Variants in PRRT1 observed in about 807,000 individuals in gnomAD.
PRRT1 encodes the protein proline rich transmembrane protein 1.
A neutral mutation model predicts 22.6 loss-of-function variants in PRRT1; 8 were observed. That is an observed-to-expected ratio of 0.35 (90% CI 0.21 to 0.64). The LOEUF (loss-of-function observed/expected upper bound fraction) is 0.64, where lower values mean the gene tolerates loss of function less well. Among genes scored for constraint, PRRT1 ranks in the 30% least tolerant of loss-of-function variants. The pLI is 0.69. For missense variants in PRRT1, 315 were observed against 444.5 expected (o/e 0.71, Z 2.62); for synonymous variants, 176 against 203.6 (o/e 0.86, Z 1.15).
chr6:32,152,168 G>C (rs1405224985), upstream of PRRT1: 6 of 658,756 alleles, frequency 9.1e-6, no homozygotes, highest in Non-Finnish European at 1.7e-5. Context: ...CAGGCGAGGC[G>C]GGTGGGACTA....
At chr6:32,151,980 A>AGGGGGGGGGGGGGGGGG, upstream of PRRT1, 1 of 78,290 alleles carries the variant, frequency 1.3e-5, no homozygotes, top group Non-Finnish European at 2.4e-5. Flanking sequence ...GGGCGGGCGG[A>AGGGGGGGGGGGGGGGGG]GGGAGAGCGG....
At chr6:32,151,727 G>T in intron 1 of PRRT1, 82 bp downstream of exon 1, 1 of 809,018 alleles carries the variant, frequency 1.2e-6, no homozygotes, top group African/African-American at 1.7e-5. Context: ...AGCTGAGGAG[G>T]GGTAAGGGAG....
chr6:32,152,175 A>T (rs74700975), upstream of PRRT1: 3 of 649,436 alleles, frequency 4.6e-6, no homozygotes, highest in Admixed American at 4.2e-5. Flanking sequence ...GGCGGGTGGG[A>T]CTAAGGAAAG....
chr6:32,149,944 C>T lies in PRRT1; in HGVS notation c.559-222G>A. ...CATATTCTTGGGCTTTCTACATTCT[C>T]TCCCGCAAGGTATGGTCCCACTGGG... On this transcript the variant is annotated intron_variant, in intron 2 of 3. Coordinates refer to ENST00000211413, the MANE Select transcript of PRRT1 (RefSeq NM_030651.4). The surrounding 1 kb of genome is among the most constrained non-coding windows in gnomAD (Gnocchi z 8.7). 1.8e-6 allele frequency: 1 copy of T among 564,542 alleles called. No individual in the cohort carries two copies. The highest frequency in any genetic ancestry group is 3.0e-5 in the East Asian group (1 of 33,152). The allele number at this position is 564,542 out of a possible 1,614,324, so 35.0% of individuals were successfully genotyped here.
At position 32,149,049 on chromosome 6, in the gene PRRT1, G is replaced by A. The variant is rs999068018; in HGVS notation, c.*173C>T. The A allele has an allele frequency of 1.3e-6, 1 of 787,974 alleles. No homozygotes were observed. The highest frequency in any genetic ancestry group is 2.0e-5 in the Admixed American group (1 of 50,090). The allele number at this position is 787,974 out of a possible 1,614,324, so 48.8% of individuals were successfully genotyped here. ...TTTTGGAGGGGTTCCTGAGGAACTG[G>A]ATTCCGAGCTTGCTCGCAAGGCGAG... is the stretch of plus-strand genomic sequence containing the variant. On this transcript the variant is annotated 3_prime_UTR_variant, in exon 4 of 4. Coordinates refer to ENST00000211413, the MANE Select transcript of PRRT1 (RefSeq NM_030651.4). This position sits in a 1 kb window ranked among gnomAD's most constrained non-coding sequence, Gnocchi z 8.7.
Position 32,150,772 on chromosome 6 carries a change from C to A in PRRT1, c.154G>T (p.Gly52Cys). Reference protein sequence around the residue: ...HHHHHHYHQSGTATLPRLGAG... With the variant: ...HHHHHHYHQSCTATLPRLGAG... ...CCTAAGCGCGGGAGGGTGGCGGTGCCAGACTGATGGTAGTGGTGGTGGTGG... is the reference window on the plus strand; with the variant it reads ...CCTAAGCGCGGGAGGGTGGCGGTGCAAGACTGATGGTAGTGGTGGTGGTGG... Residue 52 changes from glycine to cysteine, a missense_variant, in exon 2 of 4, where the codon GGC (glycine) becomes TGC (cysteine). This residue lies in a region of PRRT1 where 263 missense variants were observed against 328.5 expected (regional missense o/e 0.80). Transcript: ENST00000211413. This position sits in a 1 kb window ranked among gnomAD's most constrained non-coding sequence, Gnocchi z 7.2. The A allele has an allele frequency of 6.4e-7, 1 of 1,556,384 alleles. No homozygotes were observed. Among genetic ancestry groups the A allele is most frequent in the South Asian group, 1.2e-5 (1 of 83,746 alleles).
rs760678669 is a variant in PRRT1 at position 32,149,605 on chromosome 6, T to C, written c.676A>G (p.Ile226Val). 1 of 1,613,010 alleles carries C rather than the reference T, an allele frequency of 6.2e-7. No individual in the cohort carries two copies. The highest frequency in any genetic ancestry group is 2.2e-5 in the East Asian group (1 of 44,868). Residue 226 changes from isoleucine to valine, a missense_variant, in exon 3 of 4, where the codon ATC (isoleucine) becomes GTC (valine). This residue lies in a region of PRRT1 where 263 missense variants were observed against 328.5 expected (regional missense o/e 0.80). Transcript: ENST00000211413. This position sits in a 1 kb window ranked among gnomAD's most constrained non-coding sequence, Gnocchi z 8.7. ...CAACAGATGGTGGTCAGCACCGCGATGGGCATGTAGTCGTGTGGCGGGCGC... is the reference window on the plus strand; with the variant it reads ...CAACAGATGGTGGTCAGCACCGCGACGGGCATGTAGTCGTGTGGCGGGCGC... Reference protein sequence around the residue: ...PRRPPHDYMPIAVLTTICCFW... With the variant: ...PRRPPHDYMPVAVLTTICCFW...
chr6:32,150,599 G>C lies in PRRT1; in HGVS notation c.327C>G (p.Pro109=). The C allele has an allele frequency of 7.2e-7, 1 of 1,395,514 alleles. No individual in the cohort carries two copies. Among genetic ancestry groups the C allele is most frequent in the Non-Finnish European group, 9.3e-7 (1 of 1,078,464 alleles). The allele number at this position is 1,395,514 out of a possible 1,614,324, so 86.4% of individuals were successfully genotyped here. A position where few individuals can be genotyped will look rare whatever the true frequency, so the allele number is the denominator to read the frequency against. Residue 109 remains proline, a synonymous_variant, in exon 2 of 4, where the codon CCC becomes CCG. Transcript: ENST00000211413. This position sits in a 1 kb window ranked among gnomAD's most constrained non-coding sequence, Gnocchi z 7.2. ...PGCATLPRMP[P]DPYLQETRFE... is the part of the protein sequence containing the mutation. ...AGCGAGTCTCCTGCAGGTAAGGGTC[G>C]GGTGGCATGCGGGGCAAGGTAGCGC...
rs1783203747 is a variant in PRRT1, at chr6:32,150,559, G to T, written c.367C>A (p.Pro123Thr). ...LQETRFEGPLPPPPPAAAAPP... is the reference protein window; with the variant it reads ...LQETRFEGPLTPPPPAAAAPP... The stretch of plus-strand genomic sequence containing the variant: ...GCGGCGGCAGCGGGCGGCGGCGGGG[G>T]AAGTGGGCCCTCGAAGCGAGTCTCC... The change falls in exon 2 of 4, where the codon CCC (proline) becomes ACC (threonine). Residue 123 changes from proline (P) to threonine (T), a missense_variant. Around this residue, in one of 4 missense-constraint regions of PRRT1, gnomAD observed 263 missense variants for 328.5 expected, o/e 0.80. Coordinates refer to ENST00000211413, the MANE Select transcript of PRRT1 (RefSeq NM_030651.4). The surrounding 1 kb of genome is among the most constrained non-coding windows in gnomAD (Gnocchi z 7.2). 2.2e-6 allele frequency: 3 copies of T among 1,363,932 alleles called. No homozygotes were observed. The highest frequency in any genetic ancestry group is 8.1e-5 in the Admixed American group (2 of 24,610). The allele number at this position is 1,363,932 out of a possible 1,614,324, so 84.5% of individuals were successfully genotyped here. A position where few individuals can be genotyped will look rare whatever the true frequency, so the allele number is the denominator to read the frequency against.
upstream of PRRT1, chr6:32,151,986 A>AGGGGGGGGGGGGGGGGGGGGGGGGGGGGG: frequency 1.3e-5 from 1 of 75,958 alleles, no homozygotes; most frequent in Non-Finnish European, 2.5e-5. Context: ...GCGGAGGGAG[A>AGGGGGGGGGGGGGGGGGGGGGGGGGGGGG]GCGGGGAGGG....
Position 32,149,945 on chromosome 6 carries a change from T to A in PRRT1, c.559-223A>T. The A allele has an allele frequency of 1.8e-6, 1 of 560,958 alleles. No homozygotes were observed. 34.7% of individuals were successfully genotyped at this position (560,958 alleles called of 1,614,324 possible). A position where few individuals can be genotyped will look rare whatever the true frequency, so the allele number is the denominator to read the frequency against. On this transcript the variant is annotated intron_variant, in intron 2 of 3. Coordinates refer to ENST00000211413, the MANE Select transcript of PRRT1 (RefSeq NM_030651.4). The surrounding 1 kb of genome is among the most constrained non-coding windows in gnomAD (Gnocchi z 8.7). ...ATATTCTTGGGCTTTCTACATTCTC[T>A]CCCGCAAGGTATGGTCCCACTGGGG...
At position 32,150,180 on chromosome 6, in the gene PRRT1, G is replaced by C. The variant is rs1783180209; in HGVS notation, c.558+188C>G. 6.6e-6 allele frequency among the ~76,000 whole-genome samples: 1 copy of C among 152,104 alleles called. No homozygotes were observed. Among genetic ancestry groups the C allele is most frequent in the Admixed American group, 6.5e-5 (1 of 15,282 alleles). The stretch of plus-strand genomic sequence containing the variant: ...CAGGCCCTGACTCTGGGCACCAGTA[G>C]ACTCCTACTCCCGTGTCTCTCCCTA... On this transcript the variant is annotated intron_variant, in intron 2 of 3. Transcript: ENST00000211413. This position sits in a 1 kb window ranked among gnomAD's most constrained non-coding sequence, Gnocchi z 7.2.
chr6:32,149,087 G>A lies in PRRT1; in HGVS notation c.*135C>T, dbSNP rs1169386446. The stretch of plus-strand genomic sequence containing the variant: ...CTCGCAAGGCGAGACGTTCCGTGGA[G>A]GCGGAGTTTACGATGTATCCAAGTC... On this transcript the variant is annotated 3_prime_UTR_variant, in exon 4 of 4. Transcript: ENST00000211413. The surrounding 1 kb of genome is among the most constrained non-coding windows in gnomAD (Gnocchi z 8.7). The A allele has an allele frequency of 4.2e-6, 4 of 958,012 alleles. No individual in the cohort carries two copies. The highest frequency in any genetic ancestry group is 1.4e-5 in the South Asian group (1 of 72,220). 59.3% of individuals were successfully genotyped at this position (958,012 alleles called of 1,614,324 possible).
chr6:32,150,710 C>T lies in PRRT1; in HGVS notation c.216G>A (p.Gln72=), dbSNP rs1783217774. 6.8e-7 allele frequency: 1 copy of T among 1,472,222 alleles called. No homozygotes were observed. The highest frequency in any genetic ancestry group is 1.4e-5 in the South Asian group (1 of 71,742). The allele number at this position is 1,472,222 out of a possible 1,614,324, so 91.2% of individuals were successfully genotyped here. The change falls in exon 2 of 4, where the codon CAG becomes CAA. Residue 72 remains glutamine, a synonymous_variant. Transcript: ENST00000211413. This position sits in a 1 kb window ranked among gnomAD's most constrained non-coding sequence, Gnocchi z 7.2. ...GCGTGGCAGAGGAGGAGGGACCGCGCTGAGCGGTGGCCGCGGAAGAGGCCA... is the reference window on the plus strand; with the variant it reads ...GCGTGGCAGAGGAGGAGGGACCGCGTTGAGCGGTGGCCGCGGAAGAGGCCA... ...GGLASSAATA[Q]RGPSSSATLP...
At chr6:32,152,592 C>G (rs1783398821), upstream of PRRT1, among the ~76,000 whole-genome samples, 2 of 151,994 alleles carry the variant, frequency 1.3e-5, no homozygotes, top group African/African-American at 4.8e-5. Context: ...GGAGCTGAAG[C>G]TCTTTTGGAG....
chr6:32,149,894 C>T lies in PRRT1; in HGVS notation c.559-172G>A, dbSNP rs1783164955. 6.8e-6 allele frequency: 4 copies of T among 584,792 alleles called. No individual in the cohort carries two copies. In the Admixed American group the frequency reaches 9.6e-5, roughly 14 times the overall value. The allele number at this position is 584,792 out of a possible 1,614,324, so 36.2% of individuals were successfully genotyped here. On this transcript the variant is annotated intron_variant, in intron 2 of 3. Transcript: ENST00000211413. This position sits in a 1 kb window ranked among gnomAD's most constrained non-coding sequence, Gnocchi z 8.7. ...CATAAATTCCACCTAAGCCCCTCTCCTCCCTTCCTTGCTTCATTAACCACC... is the reference window on the plus strand; with the variant it reads ...CATAAATTCCACCTAAGCCCCTCTCTTCCCTTCCTTGCTTCATTAACCACC...
chr6:32,151,145 T>G (rs1644934276), intron 1 of PRRT1: 1 of 693,084 alleles, frequency 1.4e-6, no homozygotes, highest in Non-Finnish European at 2.6e-6. Context: ...TCTGGTCTGC[T>G]TCTTTTCTGT....
intron 1 of PRRT1, chr6:32,151,494 A>T (rs1189073770): frequency 1.9e-6 from 1 of 518,176 alleles, no homozygotes; most frequent in Non-Finnish European, 3.5e-6. Flanking sequence ...GGATGTCTCC[A>T]TGCCAGCCAG....
chr6:32,152,581 A>T (rs140551721), upstream of PRRT1, among the ~76,000 whole-genome samples: 5 of 152,184 alleles, frequency 3.3e-5, no homozygotes, highest in East Asian at 9.7e-4. Context: ...TCCAGGACTA[A>T]GGAGCTGAAG....
Sources: allele counts gnomAD v4.1 joint callset (sites outside exome capture counted in the v4.1 genomes callset), GRCh38; gene constraint gnomAD v4.1.1; regional missense constraint gnomAD v4.1.1; non-coding constraint Gnocchi (gnomAD v3.1); transcripts MANE v1.5; gene names NCBI Gene and HGNC (gene_info 2026-07-23, HGNC 2026-07-21).